FAM185A: variants seen among roughly 807,000 people sequenced by gnomAD.
FAM185A encodes protein FAM185A.
In FAM185A, 21 loss-of-function variants were observed where a neutral mutation model predicts 45.7. That is an observed-to-expected ratio of 0.46 (90% CI 0.33 to 0.66). FAM185A has a LOEUF of 0.66. Among genes scored for constraint, FAM185A ranks in the 30% least tolerant of loss-of-function variants. The pLI, the probability that FAM185A is intolerant of heterozygous loss-of-function variation, is 0.03. For synonymous variants in FAM185A, 117 were observed against 194.0 expected (o/e 0.60, Z 3.30); for missense variants, 305 against 485.4 (o/e 0.63, Z 3.49).
downstream of FAM185A, among the ~76,000 whole-genome samples, chr7:102,810,442 G>A (rs1366760914): frequency 1.3e-5 from 2 of 152,158 alleles, no homozygotes; most frequent in Non-Finnish European, 2.9e-5. Flanking sequence ...ATGTTGGCCA[G>A]GCTGGTCTTG....
At chr7:102,805,633 A>G (rs1797066703) in intron 7 of FAM185A, among the ~76,000 whole-genome samples, 1 of 152,144 alleles carries the variant, frequency 6.6e-6, no homozygotes, top group African/African-American at 2.4e-5. Flanking sequence ...ACAACTAAAG[A>G]ACTTACTCAT....
the FAM185A span, among the ~76,000 whole-genome samples, chr7:102,850,407 A>G: frequency 5.3e-5 from 8 of 152,362 alleles, no homozygotes; most frequent in African/African-American, 1.9e-4. Context: ...GTAGGTTTCA[A>G]TACTTCTAAA....
chr7:102,769,538 A>C (rs1794621755), intron 4 of FAM185A, among the ~76,000 whole-genome samples: 1 of 150,560 alleles, frequency 6.6e-6, no homozygotes, highest in Admixed American at 6.6e-5. Context: ...TAGCTAAATG[A>C]CTGTAAAACT....
chr7:102,808,167 T>G, intron 7 of FAM185A, 123 bp from the exon 8 acceptor site: 1 of 697,886 alleles, frequency 1.4e-6, no homozygotes, highest in South Asian at 1.8e-5. Context: ...CCTGCCCAGT[T>G]CAGACTATCT....
the FAM185A span, among the ~76,000 whole-genome samples, chr7:102,826,741 A>ATATATATATATATATATATATG: frequency 1.6e-5 from 1 of 64,042 alleles, no homozygotes; most frequent in African/African-American, 7.5e-5. Context: ...ATATATATAT[A>ATATATATATATATATATATATG]TATATATATA....
chr7:102,815,880 G>C, the FAM185A span, among the ~76,000 whole-genome samples: 1 of 152,150 alleles, frequency 6.6e-6, no homozygotes, highest in African/African-American at 2.4e-5. Context: ...CAATTAGCAA[G>C]TAGTGGGGGT....
chr7:102,780,736 A>T (rs1364292602), intron 6 of FAM185A, among the ~76,000 whole-genome samples: 2 of 152,224 alleles, frequency 1.3e-5, no homozygotes, highest in Non-Finnish European at 2.9e-5. Flanking sequence ...AGCGTGAGCG[A>T]CGCAGAAGAC....
intron 7 of FAM185A, among the ~76,000 whole-genome samples, chr7:102,805,422 A>G (rs1247450117): frequency 6.6e-6 from 1 of 152,170 alleles, no homozygotes; most frequent in Non-Finnish European, 1.5e-5. Flanking sequence ...AAGTGAAGTA[A>G]CTCAGGAATG....
the FAM185A span, among the ~76,000 whole-genome samples, chr7:102,820,989 T>C: frequency 6.6e-6 from 1 of 152,242 alleles, no homozygotes; most frequent in Non-Finnish European, 1.5e-5. Flanking sequence ...GAATCTTACT[T>C]ATTAGAAATT....
chr7:102,826,724 C>CATATATATATATATATAT, the FAM185A span, among the ~76,000 whole-genome samples: 3 of 62,732 alleles, frequency 4.8e-5, no homozygotes, highest in Admixed American at 4.8e-4. Flanking sequence ...GACCCTGTCT[C>CATATATATATATATATAT]ATATATATAT....
chr7:102,833,439 T>G, the FAM185A span, among the ~76,000 whole-genome samples: 1 of 150,242 alleles, frequency 6.7e-6, no homozygotes, highest in African/African-American at 2.4e-5. Context: ...CTGTTTCCTT[T>G]TTTTTTTTTT....
At chr7:102,762,183 T>C (rs111780684) in intron 4 of FAM185A, among the ~76,000 whole-genome samples, 309 of 152,340 alleles carry the variant, frequency 2.0e-3, no homozygotes, top group African/African-American at 7.2e-3. Context: ...GGCACCAGGT[T>C]TTCTCAGCAC....
chr7:102,769,766 CTGCAGA>C (rs1794639726), intron 4 of FAM185A, among the ~76,000 whole-genome samples: 1 of 151,642 alleles, frequency 6.6e-6, no homozygotes, highest in Non-Finnish European at 1.5e-5. Flanking sequence ...GATAGGGGCT[CTGCAGA>C]GTCATGAAGT....
rs371298435 is a variant in FAM185A, at chr7:102,772,473, G to C, written c.835+23G>C. On this transcript the variant is annotated intron_variant, in intron 5 of 7. Transcript: ENST00000413034. ...TAGGTATGTGCTAAGCTACTAGTTC[G>C]TGTATTTTGTCCACTTTTAAAAATG... 19 of 1,520,478 alleles carry C rather than the reference G, an allele frequency of 1.2e-5. No homozygotes were observed. The African/African-American group carries it at 2.1e-4, about 17-fold the overall frequency. 94.2% of individuals were successfully genotyped at this position (1,520,478 alleles called of 1,614,324 possible). A position where few individuals can be genotyped will look rare whatever the true frequency, so the allele number is the denominator to read the frequency against.
chr7:102,848,954 C>A, the FAM185A span, among the ~76,000 whole-genome samples: 1 of 151,964 alleles, frequency 6.6e-6, no homozygotes, highest in Non-Finnish European at 1.5e-5. Context: ...GAGTCGAGAT[C>A]GTGCCATTGC....
chr7:102,786,092 A>G (rs888343620), intron 6 of FAM185A, among the ~76,000 whole-genome samples: 1 of 152,184 alleles, frequency 6.6e-6, no homozygotes, highest in Non-Finnish European at 1.5e-5. Flanking sequence ...GCTCATCATC[A>G]CTGGCCATCA....
At chr7:102,778,082 G>C (rs1295642250) in intron 6 of FAM185A, among the ~76,000 whole-genome samples, 2 of 152,194 alleles carry the variant, frequency 1.3e-5, no homozygotes, top group East Asian at 3.8e-4. Context: ...TTTTTAAATA[G>C]TCTAGCAGCT....
intron 6 of FAM185A, among the ~76,000 whole-genome samples, chr7:102,781,996 T>G (rs1795440807): frequency 6.6e-6 from 1 of 152,172 alleles, no homozygotes; most frequent in Non-Finnish European, 1.5e-5. Context: ...GCATGAGAAC[T>G]ATGTGACGAA....
intron 2 of FAM185A, chr7:102,755,200 G>T: frequency 2.3e-6 from 1 of 431,214 alleles, no homozygotes; most frequent in South Asian, 5.0e-5. Flanking sequence ...CCCTGCTTTT[G>T]TGAAGAAGCA....
Sources: allele counts gnomAD v4.1 joint callset (sites outside exome capture counted in the v4.1 genomes callset), GRCh38; gene constraint gnomAD v4.1.1; transcripts MANE v1.5; gene names NCBI Gene and HGNC (gene_info 2026-07-23, HGNC 2026-07-21).